The following HSPBP1 variants were observed in gnomAD, a reference collection of about 807,000 sequenced individuals.
The protein encoded by HSPBP1 is hsp70-binding protein 1.
A neutral mutation model predicts 41.7 loss-of-function variants in HSPBP1; 31 were observed. The ratio of observed to expected loss-of-function variants is 0.74; its 90% CI spans 0.56 to 1.00. The LOEUF (loss-of-function observed/expected upper bound fraction) is 1.00. Ranked by LOEUF, HSPBP1 falls within the 50% of genes least tolerant of loss-of-function variation. The probability of loss-of-function intolerance (pLI) is 0.00; values close to 1 mark genes in which losing one functional copy is unlikely to be tolerated. For synonymous variants in HSPBP1, 199 were observed against 214.4 expected, an observed-to-expected ratio of 0.93 and a Z score of 0.63; for missense variants, 439 against 487.9, an observed-to-expected ratio of 0.90 and a Z score of 0.94.
At chr19:55,265,058 C>T (rs1204003568) in intron 7 of HSPBP1, among the ~76,000 whole-genome samples, 1 of 148,890 alleles carries the variant, frequency 6.7e-6, no homozygotes, top group Admixed American at 6.7e-5. Context: ...CCCCGGCACA[C>T]GATCCTCCTC....
At chr19:55,269,493 G>A (rs976043243) in intron 4 of HSPBP1, among the ~76,000 whole-genome samples, 1 of 152,140 alleles carries the variant, frequency 6.6e-6, no homozygotes, top group Non-Finnish European at 1.5e-5. Context: ...GAAAGCCAAA[G>A]TCATCACTGC....
chr19:55,263,967 C>CTTTTT (rs201171002), intron 7 of HSPBP1, among the ~76,000 whole-genome samples: 4 of 130,510 alleles, frequency 3.1e-5, no homozygotes, highest in African/African-American at 1.2e-4. Context: ...ATGTAGTACA[C>CTTTTT]TTTTTTTTTT....
chr19:55,275,755 C>G (rs1228560563), intron 3 of HSPBP1, among the ~76,000 whole-genome samples: 1 of 151,944 alleles, frequency 6.6e-6, no homozygotes, highest in East Asian at 1.9e-4. Flanking sequence ...CAAGACCAGC[C>G]TGGCCAACAT....
At position 55,277,669 on chromosome 19, in the gene HSPBP1, G is replaced by T. The variant is rs759197283; in HGVS notation, c.388C>A (p.Leu130Met). The change falls in exon 3 of 8, where the codon CTG becomes ATG. Residue 130 changes from leucine (L) to methionine (M), a missense_variant. By Grantham distance (15) the Leu-to-Met change is conservative. Transcript: ENST00000433386. Reference sequence around the variant, plus strand: ...GCGGCATTGTCCATGTTCTCACACAGGTCGGCCAGCAGCTCCAGGGCCCCC... The same window carrying T: ...GCGGCATTGTCCATGTTCTCACACATGTCGGCCAGCAGCTCCAGGGCCCCC... Reference protein sequence around the residue: ...REGALELLADLCENMDNAADF... With the variant: ...REGALELLADMCENMDNAADF... 2 of 1,606,186 alleles carry T rather than the reference G, an allele frequency of 1.2e-6. No homozygotes were observed. Among genetic ancestry groups the T allele is most frequent in the Non-Finnish European group, 8.5e-7 (1 of 1,177,418 alleles).
rs1035765977 is a variant in HSPBP1 at position 55,262,611 on chromosome 19, C to T, written c.1077G>A (p.Arg359=). ...FSSPADDSMD[R] The stretch of plus-strand genomic sequence containing the variant: ...GGGGGCAAGAAGCCACCTGGTTTCA[C>T]CGATCCATGCTGTCGTCCGCTGGGC... The change falls in exon 8 of 8, where the codon CGG becomes CGA. Residue 359 remains arginine, a synonymous_variant. Coordinates refer to ENST00000433386, the MANE Select transcript of HSPBP1 (RefSeq NM_012267.5). The T allele has an allele frequency of 1.2e-6, 2 of 1,613,680 alleles. No individual in the cohort carries two copies. The highest frequency in any genetic ancestry group is 1.7e-5 in the Admixed American group (1 of 59,966).
At chr19:55,275,821 G>A (rs527980122) in intron 3 of HSPBP1, among the ~76,000 whole-genome samples, 12 of 151,912 alleles carry the variant, frequency 7.9e-5, no homozygotes, top group African/African-American at 1.7e-4. Flanking sequence ...GGTGGTGGGC[G>A]CCTATAAGCC....
At chr19:55,276,104 C>CAAA (rs59561808) in intron 3 of HSPBP1, among the ~76,000 whole-genome samples, 34 of 65,772 alleles carry the variant, frequency 5.2e-4, no homozygotes, top group African/African-American at 1.1e-3. Flanking sequence ...GAGACTGACT[C>CAAA]AAAAAAAAAA....
In HSPBP1 at chr19:55,270,640, T is replaced by C. The variant is rs1437590539; in HGVS notation, c.640+3758A>G. Among the ~76,000 whole-genome samples, 5 of 152,044 alleles carry C rather than the reference T, an allele frequency of 3.3e-5. No individual in the cohort carries two copies. The highest frequency in any genetic ancestry group is 1.5e-5 in the Non-Finnish European group (1 of 67,998). On this transcript the variant is annotated intron_variant, in intron 4 of 7. Transcript: ENST00000433386. The surrounding 1 kb of genome is among the most constrained non-coding windows in gnomAD (Gnocchi z 5.4). ...GGATGGCCTGTGCCAGCCGTGCACA[T>C]CTGAGGAAACGAGATTAATCCGTGT... is the stretch of plus-strand genomic sequence containing the variant.
chr19:55,279,937 C>T (rs905324228), intron 1 of HSPBP1, 98 bp downstream of exon 1: 8 of 447,414 alleles, frequency 1.8e-5, no homozygotes, highest in Admixed American at 1.1e-4. Flanking sequence ...AACCTCACTG[C>T]TCCGCCTCCG....
chr19:55,265,096 A>C (rs1419452702), intron 7 of HSPBP1, among the ~76,000 whole-genome samples, 182 bp downstream of exon 7: 1 of 116,412 alleles, frequency 8.6e-6, no homozygotes, highest in Non-Finnish European at 1.8e-5. Context: ...CCTCACACCT[A>C]GTCCTCCTTG....
chr19:55,274,032 T>C, intron 4 of HSPBP1, among the ~76,000 whole-genome samples: 1 of 152,104 alleles, frequency 6.6e-6, no homozygotes, highest in Non-Finnish European at 1.5e-5. Flanking sequence ...TGTCTCTCCA[T>C]GGCCTGGAGG....
chr19:55,279,744 C>T, intron 1 of HSPBP1, 42 bp from the exon 2 acceptor site: 2 of 1,534,076 alleles, frequency 1.3e-6, no homozygotes, highest in Non-Finnish European at 1.7e-6. Context: ...GGCGACCCCC[C>T]ATGACCCCAA....
In HSPBP1 at chr19:55,268,263, T is replaced by C. The variant is rs1340245667; in HGVS notation, c.641-1977A>G. Among the ~76,000 whole-genome samples the C allele has an allele frequency of 2.0e-5, 3 of 152,042 alleles. No individual in the cohort carries two copies. The highest frequency in any genetic ancestry group is 4.4e-5 in the Non-Finnish European group (3 of 67,994). ...CTGACCAACATGGTGAAACCCCGTCTCTACTAAAAATACAAAATTAGCTGG... is the reference window on the plus strand; with the variant it reads ...CTGACCAACATGGTGAAACCCCGTCCCTACTAAAAATACAAAATTAGCTGG... On this transcript the variant is annotated intron_variant, in intron 4 of 7. Transcript: ENST00000433386. This position sits in a 1 kb window ranked among gnomAD's most constrained non-coding sequence, Gnocchi z 4.5.
chr19:55,275,435 C>G (rs1297409673), intron 3 of HSPBP1, among the ~76,000 whole-genome samples: 1 of 152,056 alleles, frequency 6.6e-6, no homozygotes. Context: ...CCCAAATGTC[C>G]TTAAAGGATA....
intron 4 of HSPBP1, 139 bp downstream of exon 4, chr19:55,274,259 C>A (rs1350922364): frequency 2.4e-6 from 2 of 835,170 alleles, no homozygotes; most frequent in Non-Finnish European, 3.7e-6. Context: ...CAGCACTCAG[C>A]CGTGCAGGGG....
chr19:55,269,145 T>C (rs2052247054), intron 4 of HSPBP1, among the ~76,000 whole-genome samples: 2 of 152,130 alleles, frequency 1.3e-5, no homozygotes, highest in African/African-American at 4.8e-5. Flanking sequence ...GGTTGGTATC[T>C]GGGGCCAGAT....
chr19:55,273,602 G>A (rs1006589898), intron 4 of HSPBP1, among the ~76,000 whole-genome samples: 2 of 152,120 alleles, frequency 1.3e-5, no homozygotes, highest in Non-Finnish European at 2.9e-5. Context: ...GTTGGTTTTT[G>A]TCCCGTCCCT....
chr19:55,270,759 G>A lies in HSPBP1; in HGVS notation c.640+3639C>T, dbSNP rs541481590. On this transcript the variant is annotated intron_variant, in intron 4 of 7. Coordinates refer to ENST00000433386, the MANE Select transcript of HSPBP1 (RefSeq NM_012267.5). The surrounding 1 kb of genome is among the most constrained non-coding windows in gnomAD (Gnocchi z 5.4). ...CACCACATCCACACATCCCACACACGCCATGCACATCCACACACCACACAT... is the reference window on the plus strand; with the variant it reads ...CACCACATCCACACATCCCACACACACCATGCACATCCACACACCACACAT... 3.4e-5 allele frequency among the ~76,000 whole-genome samples: 5 copies of A among 148,070 alleles called. No homozygotes were observed. In the East Asian group the frequency reaches 6.0e-4, roughly 18 times the overall value.
intron 3 of HSPBP1, among the ~76,000 whole-genome samples, chr19:55,276,102 C>CT (rs2088063660): frequency 1.1e-5 from 1 of 87,638 alleles, no homozygotes; most frequent in Non-Finnish European, 2.1e-5. Flanking sequence ...GGGAGACTGA[C>CT]TCAAAAAAAA....
Sources: gnomAD v4.1 joint callset for allele counts (sites outside exome capture counted in the v4.1 genomes callset) on GRCh38, gnomAD v4.1.1 for gene constraint, Gnocchi (gnomAD v3.1) non-coding constraint, MANE v1.5 for transcripts, NCBI Gene and HGNC (gene_info 2026-07-23, HGNC 2026-07-21) for gene names.